The following GRID1 variants were observed in gnomAD, a reference collection of about 807,000 sequenced individuals.
GRID1 encodes the protein glutamate ionotropic receptor delta type subunit 1.
In GRID1, 28 loss-of-function variants were observed where a neutral mutation model predicts 98.0. The observed-to-expected ratio is 0.29, with a 90% CI of 0.21 to 0.39. The LOEUF (loss-of-function observed/expected upper bound fraction) is 0.39, where lower values mean the gene tolerates loss of function less well. Ranked by LOEUF, GRID1 falls within the 10% of genes least tolerant of loss-of-function variation. The pLI, the probability that GRID1 is intolerant of heterozygous loss-of-function variation, is 1.00. For missense variants in GRID1, 1,111 were observed against 1,340.5 expected, an observed-to-expected ratio of 0.83 and a Z score of 2.67; for synonymous variants, 553 against 538.5, an observed-to-expected ratio of 1.03 and a Z score of -0.37.
intron 12 of GRID1, among the ~76,000 whole-genome samples, chr10:85,715,904 A>T (rs1212094870): frequency 1.8e-5 from 2 of 111,730 alleles, no homozygotes; most frequent in Admixed American, 8.8e-5. Flanking sequence ...TATAGAACTA[A>T]CCTTTTTTTT....
At chr10:86,221,475 T>C (rs143074590) in intron 2 of GRID1, among the ~76,000 whole-genome samples, 47 of 152,294 alleles carry the variant, frequency 3.1e-4, no homozygotes, top group African/African-American at 1.0e-3. Flanking sequence ...GCAAAGGCTA[T>C]CTGGAGAGGA....
chr10:85,630,198 G>T (rs7073680), intron 13 of GRID1, among the ~76,000 whole-genome samples: 1 of 152,056 alleles, frequency 6.6e-6, no homozygotes, highest in African/African-American at 2.4e-5. Flanking sequence ...CAGACAGCAC[G>T]GCATGGTATG....
At chr10:85,909,834 G>A (rs901533315) in intron 5 of GRID1, among the ~76,000 whole-genome samples, 1 of 152,082 alleles carries the variant, frequency 6.6e-6, no homozygotes, top group African/African-American at 2.4e-5. Context: ...CCTCTATTGT[G>A]GTTATGGTTT....
intron 2 of GRID1, among the ~76,000 whole-genome samples, chr10:86,295,197 G>C (rs1421629768): frequency 6.6e-6 from 1 of 152,202 alleles, no homozygotes; most frequent in Non-Finnish European, 1.5e-5. Flanking sequence ...GACAGTAGCT[G>C]CAGAGGAAGT....
chr10:86,261,503 G>C (rs1339188746), intron 2 of GRID1, among the ~76,000 whole-genome samples: 1 of 152,166 alleles, frequency 6.6e-6, no homozygotes, highest in Non-Finnish European at 1.5e-5. Context: ...CTCACCTGGA[G>C]AGCACCCAAT....
intron 4 of GRID1, among the ~76,000 whole-genome samples, chr10:86,124,798 G>T (rs188386562): frequency 1.7e-3 from 259 of 152,234 alleles, no homozygotes; most frequent in African/African-American, 5.8e-3. Flanking sequence ...AACCCAGAAA[G>T]GCAAGACAGT....
At position 85,884,177 on chromosome 10, in the gene GRID1, T is replaced by A. The variant is rs529129644; in HGVS notation, c.781-14997A>T. Among the ~76,000 whole-genome samples, 27 of 152,322 alleles carry A rather than the reference T, an allele frequency of 1.8e-4. 2 individuals carry two copies. The highest frequency in any genetic ancestry group is 5.8e-4 in the African/African-American group (24 of 41,578). On this transcript the variant is annotated intron_variant, in intron 5 of 15. Coordinates refer to ENST00000327946, the MANE Select transcript of GRID1 (RefSeq NM_017551.3). ...GATGGACTCTATTTTTAAGTATTTT[T>A]AAATGTATTATATCTGGCTTTTTTG...
At chr10:85,883,561 T>G (rs963174809) in intron 5 of GRID1, among the ~76,000 whole-genome samples, 3 of 151,380 alleles carry the variant, frequency 2.0e-5, no homozygotes, top group African/African-American at 7.3e-5. Flanking sequence ...CTTCCCTCCC[T>G]CTCTCCCATC....
chr10:85,919,946 A>G (rs552188942), intron 4 of GRID1, among the ~76,000 whole-genome samples: 25 of 152,114 alleles, frequency 1.6e-4, no homozygotes, highest in Middle Eastern at 3.4e-3. Context: ...AACACCAGCC[A>G]ACACCCCCAA....
At chr10:85,846,635 T>C (rs1389714348) in intron 8 of GRID1, among the ~76,000 whole-genome samples, 5 of 151,336 alleles carry the variant, frequency 3.3e-5, no homozygotes, top group African/African-American at 9.7e-5. Flanking sequence ...AAAAAATCAA[T>C]AGAAAAAACT....
intron 2 of GRID1, among the ~76,000 whole-genome samples, chr10:86,278,964 G>A (rs1401542257): frequency 6.6e-6 from 1 of 152,140 alleles, no homozygotes; most frequent in Non-Finnish European, 1.5e-5. Context: ...GACGTTACAA[G>A]AAATAATAAT....
chr10:86,188,251 C>G (rs947063894), intron 3 of GRID1, among the ~76,000 whole-genome samples: 3 of 152,254 alleles, frequency 2.0e-5, no homozygotes, highest in Non-Finnish European at 4.4e-5. Context: ...CCACTTTTCC[C>G]CTAGCACAAG....
In GRID1 at chr10:85,740,553, C is replaced by T. The variant is rs78964906; in HGVS notation, c.1234-10939G>A. On this transcript the variant is annotated intron_variant, in intron 8 of 15. Coordinates refer to ENST00000327946, the MANE Select transcript of GRID1 (RefSeq NM_017551.3). Reference sequence around the variant, plus strand: ...GGACTGGCTCCTCTCTCTGGAACATCGTTCCCTTCCTTTGTCCTCTGCCTC... The same window carrying T: ...GGACTGGCTCCTCTCTCTGGAACATTGTTCCCTTCCTTTGTCCTCTGCCTC... 7.6e-4 allele frequency among the ~76,000 whole-genome samples: 116 copies of T among 152,166 alleles called. 1 individual carries two copies. In the East Asian group the frequency reaches 0.021, roughly 28 times the overall value.
At position 85,886,467 on chromosome 10, in the gene GRID1, G is replaced by A. The variant is rs138144492; in HGVS notation, c.781-17287C>T. On this transcript the variant is annotated intron_variant, in intron 5 of 15. Coordinates refer to ENST00000327946, the MANE Select transcript of GRID1 (RefSeq NM_017551.3). Reference sequence around the variant, plus strand: ...ACCTTACTGATTCACACTCTCATGGGACTTGAAATGGGGTACAGGGCAGAT... The same window carrying A: ...ACCTTACTGATTCACACTCTCATGGAACTTGAAATGGGGTACAGGGCAGAT... Among the ~76,000 whole-genome samples, 16 of 152,152 alleles carry A rather than the reference G, an allele frequency of 1.1e-4. No homozygotes were observed. The East Asian group carries it at 3.1e-3, about 29-fold the overall frequency.
intron 2 of GRID1, among the ~76,000 whole-genome samples, chr10:86,276,866 GA>G (rs34416251): frequency 4.1e-5 from 6 of 148,048 alleles, no homozygotes; most frequent in African/African-American, 1.5e-4. Flanking sequence ...TCAAGTGCTG[GA>G]AAAAAAAAAC....
intron 3 of GRID1, among the ~76,000 whole-genome samples, chr10:86,155,861 G>A (rs1438887493): frequency 6.6e-6 from 1 of 152,188 alleles, no homozygotes; most frequent in African/African-American, 2.4e-5. Context: ...TCCACTGGCA[G>A]GATACAGGCC....
intron 3 of GRID1, among the ~76,000 whole-genome samples, chr10:86,198,867 A>G (rs964832581): frequency 1.3e-5 from 2 of 152,114 alleles, no homozygotes; most frequent in African/African-American, 4.8e-5. Context: ...CTTGGTCCCC[A>G]TGCATGGTTT....
intron 4 of GRID1, among the ~76,000 whole-genome samples, chr10:86,067,708 G>A (rs962300260): frequency 2.0e-5 from 3 of 152,188 alleles, no homozygotes; most frequent in Non-Finnish European, 1.5e-5. Context: ...GGCCTGGAAG[G>A]CTATGCCCTC....
intron 13 of GRID1, chr10:85,644,148 C>T (rs558136691): frequency 1.1e-4 from 16 of 152,304 alleles, no homozygotes; most frequent in Non-Finnish European, 2.1e-4. Context: ...CCCAGCACTG[C>T]CTTGCTTGGT....
Sources: gnomAD v4.1 joint callset for allele counts (sites outside exome capture counted in the v4.1 genomes callset) on GRCh38, gnomAD v4.1.1 for gene constraint, MANE v1.5 for transcripts, NCBI Gene and HGNC (gene_info 2026-07-23, HGNC 2026-07-21) for gene names.